Variants in IMPA2 observed in about 807,000 individuals in gnomAD.
IMPA2 encodes the protein inositol monophosphatase 2.
In IMPA2, 32 loss-of-function variants were observed where a neutral mutation model predicts 35.1. The ratio of observed to expected loss-of-function variants is 0.91; its 90% CI spans 0.69 to 1.23. IMPA2 has a LOEUF of 1.23. Among genes scored for constraint, IMPA2 ranks in the 50% most tolerant of loss-of-function variants. IMPA2 has a pLI of 0.00. For missense variants in IMPA2, 334 were observed against 387.6 expected, an observed-to-expected ratio of 0.86 and a Z score of 1.16; for synonymous variants, 135 against 160.6, an observed-to-expected ratio of 0.84 and a Z score of 1.20.
chr18:12,016,067 G>A (rs1452000717), intron 5 of IMPA2, among the ~76,000 whole-genome samples: 4 of 152,168 alleles, frequency 2.6e-5, no homozygotes, highest in South Asian at 2.1e-4. Flanking sequence ...GAAACATGAA[G>A]TGCTCATGTT....
chr18:12,023,186 A>G (rs1021240570), intron 5 of IMPA2, among the ~76,000 whole-genome samples: 2 of 152,154 alleles, frequency 1.3e-5, no homozygotes, highest in Non-Finnish European at 2.9e-5. Flanking sequence ...AAGGTGCTGG[A>G]TTCAGAGCAA....
intron 1 of IMPA2, among the ~76,000 whole-genome samples, chr18:11,986,322 C>G (rs867257430): frequency 3.9e-5 from 6 of 152,230 alleles, no homozygotes; most frequent in African/African-American, 1.4e-4. Flanking sequence ...AGTATGCAAA[C>G]CATTGCCTGT....
At chr18:12,022,556 T>TA (rs1568038109) in intron 5 of IMPA2, among the ~76,000 whole-genome samples, 3 of 143,954 alleles carry the variant, frequency 2.1e-5, no homozygotes, top group African/African-American at 7.6e-5. Flanking sequence ...TATATATATA[T>TA]TTGTGTGTGT....
intron 1 of IMPA2, among the ~76,000 whole-genome samples, chr18:11,988,001 C>CTT (rs71172043): frequency 0.042 from 4,279 of 101,618 alleles, 341 homozygotes; most frequent in African/African-American, 0.068. Context: ...TGTTTATTGG[C>CTT]TTTTTTTTTT....
chr18:12,010,050 T>A lies in IMPA2; in HGVS notation c.335+63T>A, dbSNP rs1907391893. On this transcript the variant is annotated intron_variant, in intron 3 of 7. Coordinates refer to ENST00000269159, the MANE Select transcript of IMPA2 (RefSeq NM_014214.3). The surrounding 1 kb of genome is among the most constrained non-coding windows in gnomAD (Gnocchi z 4.8). Reference sequence around the variant, plus strand: ...ACATGTCCTCTTCTGTGAGGTTTTGTCTTTTCAAAAGCAGCATTTTTTAAG... The same window carrying A: ...ACATGTCCTCTTCTGTGAGGTTTTGACTTTTCAAAAGCAGCATTTTTTAAG... 1 of 1,324,506 alleles carries A rather than the reference T, an allele frequency of 7.5e-7. No homozygotes were observed. The highest frequency in any genetic ancestry group is 1.1e-6 in the Non-Finnish European group (1 of 924,788). 82.0% of individuals were successfully genotyped at this position (1,324,506 alleles called of 1,614,324 possible). A position where few individuals can be genotyped will look rare whatever the true frequency, so the allele number is the denominator to read the frequency against.
intron 3 of IMPA2, among the ~76,000 whole-genome samples, chr18:12,011,223 A>C (rs1907424846): frequency 6.6e-6 from 1 of 152,198 alleles, no homozygotes; most frequent in South Asian, 2.1e-4. Flanking sequence ...CTGGGAAAAG[A>C]GCAGCAATTT....
chr18:12,011,084 T>C (rs55983343), intron 3 of IMPA2, among the ~76,000 whole-genome samples: 2,273 of 152,292 alleles, frequency 0.015, 45 homozygotes, highest in African/African-American at 0.036. Flanking sequence ...AATGGTGACA[T>C]GGCAGGTGAA....
intron 6 of IMPA2, chr18:12,028,478 G>A: frequency 2.3e-6 from 1 of 436,300 alleles, no homozygotes; most frequent in South Asian, 4.1e-5. Flanking sequence ...TCAAAGCCCA[G>A]TGAATCCTCT....
chr18:11,995,283 G>A (rs1568028576), intron 1 of IMPA2, among the ~76,000 whole-genome samples: 2 of 152,254 alleles, frequency 1.3e-5, no homozygotes, highest in African/African-American at 4.8e-5. Flanking sequence ...TGTAGCCTGT[G>A]GTGAGGGGGA....
rs1568038083 is a variant in IMPA2, at chr18:12,022,531, ATATATATAT to A, written c.491-5511_491-5503del. Among the ~76,000 whole-genome samples the A allele has an allele frequency of 3.8e-4, 17 of 44,752 alleles. 1 individual carries two copies. Among genetic ancestry groups the A allele is most frequent in the African/African-American group, 5.4e-4 (14 of 25,794 alleles). 29.4% of individuals were successfully genotyped at this position (44,752 alleles called of 152,430 possible). On this transcript the variant is annotated intron_variant, in intron 5 of 7. Coordinates refer to ENST00000269159, the MANE Select transcript of IMPA2 (RefSeq NM_014214.3). ...AATGGGGCTCCATCTCAAAAAGAAT[ATATATATAT>A]ATATATATATATATATTTGTGTGTG...
At chr18:11,981,895 C>A in intron 1 of IMPA2, 130 bp downstream of exon 1, 1 of 510,490 alleles carries the variant, frequency 2.0e-6, no homozygotes, top group Non-Finnish European at 3.0e-6. Flanking sequence ...GGGCGCGGGG[C>A]GCGGAGCGGT....
At chr18:12,030,166 T>TC (rs552487328) in intron 7 of IMPA2, among the ~76,000 whole-genome samples, 177 bp from the exon 8 acceptor site, 117 of 152,356 alleles carry the variant, frequency 7.7e-4, no homozygotes, top group Non-Finnish European at 1.5e-3. Context: ...AGAGGCTCCA[T>TC]CCCTCTATTC....
At position 12,009,970 on chromosome 18, in the gene IMPA2, C is replaced by T. The variant is rs763568442; in HGVS notation, c.318C>T (p.Thr106=). The change falls in exon 3 of 8, where the codon ACC becomes ACT. Residue 106 remains threonine (T), a synonymous_variant. Coordinates refer to ENST00000269159, the MANE Select transcript of IMPA2 (RefSeq NM_014214.3). Reference sequence around the variant, plus strand: ...GGATCATCGACCCCATCGACGGCACCTGCAATTTTGTGCACAGGTGAGCTG... The same window carrying T: ...GGATCATCGACCCCATCGACGGCACTTGCAATTTTGTGCACAGGTGAGCTG... ...PTWIIDPIDG[T]CNFVHRFPTV... is the part of the protein sequence containing the mutation. 6.2e-7 allele frequency: 1 copy of T among 1,613,874 alleles called. No homozygotes were observed. Among genetic ancestry groups the T allele is most frequent in the Non-Finnish European group, 8.5e-7 (1 of 1,179,958 alleles).
At chr18:12,012,021 G>A (rs1205757465) in intron 3 of IMPA2, 149 bp from the exon 4 acceptor site, 6 of 661,832 alleles carry the variant, frequency 9.1e-6, no homozygotes, top group Non-Finnish European at 1.4e-5. Context: ...GAAGCAGTTA[G>A]TGAAACTGTG....
intron 5 of IMPA2, chr18:12,017,844 G>A (rs1053973833): frequency 1.5e-5 from 5 of 335,506 alleles, no homozygotes; most frequent in African/African-American, 4.6e-5. Flanking sequence ...CTTTTGCCTC[G>A]GCCTCCGAAA....
intron 2 of IMPA2, chr18:12,008,504 G>C (rs999074188): frequency 2.2e-6 from 1 of 460,958 alleles, no homozygotes; most frequent in African/African-American, 2.0e-5. Flanking sequence ...TGCCCTGAAT[G>C]CTTTAGATCT....
At chr18:11,997,007 C>T (rs1211482406) in intron 1 of IMPA2, among the ~76,000 whole-genome samples, 1 of 151,990 alleles carries the variant, frequency 6.6e-6, no homozygotes, top group Non-Finnish European at 1.5e-5. Flanking sequence ...GCAACACACA[C>T]ACACACACAG....
intron 1 of IMPA2, among the ~76,000 whole-genome samples, chr18:11,982,029 G>C (rs1401905796): frequency 2.6e-5 from 4 of 152,246 alleles, no homozygotes; most frequent in African/African-American, 7.2e-5. Context: ...GCGTTTGAGT[G>C]AGTGGTCAGA....
At chr18:12,017,863 G>C (rs1330289921) in intron 5 of IMPA2, 1 of 326,682 alleles carries the variant, frequency 3.1e-6, no homozygotes, top group Admixed American at 4.3e-5. Context: ...AAGTGCTGGG[G>C]TTACAGTTGT....
Sources: allele counts gnomAD v4.1 joint callset (sites outside exome capture counted in the v4.1 genomes callset), GRCh38; gene constraint gnomAD v4.1.1; non-coding constraint Gnocchi (gnomAD v3.1); transcripts MANE v1.5; gene names NCBI Gene and HGNC (gene_info 2026-07-23, HGNC 2026-07-21).